The following GULP1 variants were observed in gnomAD, a reference collection of about 807,000 sequenced individuals.
GULP1 encodes PTB domain-containing engulfment adapter protein 1.
GULP1 carries 19 observed loss-of-function variants against 40.9 expected under a neutral mutation model. The ratio of observed to expected loss-of-function variants is 0.46; its 90% CI spans 0.32 to 0.68. The LOEUF is 0.68. Among genes scored for constraint, GULP1 ranks in the 30% least tolerant of loss-of-function variants. GULP1 has a pLI of 0.03. For synonymous variants in GULP1, 119 were observed against 117.6 expected, an observed-to-expected ratio of 1.01 and a Z score of -0.08; for missense variants, 312 against 362.2, an observed-to-expected ratio of 0.86 and a Z score of 1.12.
intron 9 of GULP1, among the ~76,000 whole-genome samples, chr2:188,580,522 C>T (rs1576269056): frequency 6.8e-6 from 1 of 147,018 alleles, no homozygotes; most frequent in African/African-American, 2.5e-5. Context: ...CACTGCACTC[C>T]AGCCTGGGCG....
At chr2:188,540,278 T>C (rs1690098986) in intron 6 of GULP1, among the ~76,000 whole-genome samples, 1 of 152,198 alleles carries the variant, frequency 6.6e-6, no homozygotes, top group South Asian at 2.1e-4. Context: ...CTGTGAAGAA[T>C]GAATAATTAA....
At chr2:188,345,465 A>AT (rs1251151686) in intron 1 of GULP1, among the ~76,000 whole-genome samples, 11 of 152,210 alleles carry the variant, frequency 7.2e-5, no homozygotes, top group Non-Finnish European at 1.6e-4. Flanking sequence ...CAGGGGAACA[A>AT]TTTTTTAAAA....
At chr2:188,443,171 C>T (rs1163613341) in intron 2 of GULP1, among the ~76,000 whole-genome samples, 2 of 149,522 alleles carry the variant, frequency 1.3e-5, no homozygotes, top group South Asian at 2.2e-4. Flanking sequence ...ATATGGTACA[C>T]TTAGCTAAAG....
intron 2 of GULP1, among the ~76,000 whole-genome samples, chr2:188,441,323 A>C (rs988036948): frequency 6.6e-6 from 1 of 152,166 alleles, no homozygotes; most frequent in Non-Finnish European, 1.5e-5. Flanking sequence ...TCAGTGAATC[A>C]TGTTGACAAA....
chr2:188,301,711 T>A (rs1341506713), intron 1 of GULP1, among the ~76,000 whole-genome samples: 1 of 152,122 alleles, frequency 6.6e-6, no homozygotes, highest in African/African-American at 2.4e-5. Context: ...CTAAGGGGAA[T>A]GGGTAGAAAA....
At chr2:188,578,484 A>G (rs1700606517) in intron 9 of GULP1, among the ~76,000 whole-genome samples, 1 of 151,924 alleles carries the variant, frequency 6.6e-6, no homozygotes, top group Non-Finnish European at 1.5e-5. Flanking sequence ...ATATATACCT[A>G]GGTAACAGAC....
intron 2 of GULP1, among the ~76,000 whole-genome samples, chr2:188,387,843 T>A (rs2049979067): frequency 1.3e-5 from 2 of 152,316 alleles, no homozygotes; most frequent in Non-Finnish European, 2.9e-5. Context: ...GGGAGCCAGA[T>A]GAACCATGCT....
chr2:188,516,659 G>A (rs2065203350), intron 4 of GULP1, among the ~76,000 whole-genome samples: 1 of 152,108 alleles, frequency 6.6e-6, no homozygotes, highest in South Asian at 2.1e-4. Flanking sequence ...ATCACCTGTA[G>A]AAGATATTAA....
chr2:188,496,864 GGTT>G (rs780752770), intron 4 of GULP1, among the ~76,000 whole-genome samples: 1 of 151,836 alleles, frequency 6.6e-6, no homozygotes, highest in Non-Finnish European at 1.5e-5. Flanking sequence ...GGCAAGATCT[GGTT>G]GTTTAAAAGT....
intron 1 of GULP1, among the ~76,000 whole-genome samples, chr2:188,311,417 T>C (rs538088370): frequency 1.1e-4 from 17 of 152,136 alleles, no homozygotes; most frequent in African/African-American, 3.9e-4. Flanking sequence ...GGATGGTCTG[T>C]ATGTCTTGAC....
At chr2:188,325,956 A>G (rs1294841430) in intron 1 of GULP1, among the ~76,000 whole-genome samples, 5 of 152,166 alleles carry the variant, frequency 3.3e-5, no homozygotes, top group Admixed American at 2.0e-4. Flanking sequence ...CAAGTGATAG[A>G]ACAATGTAGC....
At chr2:188,306,597 C>T (rs954799278) in intron 1 of GULP1, among the ~76,000 whole-genome samples, 2 of 151,916 alleles carry the variant, frequency 1.3e-5, no homozygotes, top group African/African-American at 4.8e-5. Flanking sequence ...GGTTTAGCTA[C>T]AGAATAGGAG....
chr2:188,348,945 A>T (rs891741682), intron 1 of GULP1, among the ~76,000 whole-genome samples: 1 of 152,228 alleles, frequency 6.6e-6, no homozygotes, highest in Admixed American at 6.5e-5. Flanking sequence ...TCAATAGTAG[A>T]TGGAAATTAT....
At chr2:188,580,951 G>A (rs1370782854) in intron 9 of GULP1, among the ~76,000 whole-genome samples, 4 of 152,168 alleles carry the variant, frequency 2.6e-5, no homozygotes, top group Non-Finnish European at 5.9e-5. Flanking sequence ...TTTCTGGCCC[G>A]AGCGTAGGCA....
chr2:188,332,236 C>G (rs1195035744), intron 1 of GULP1, among the ~76,000 whole-genome samples: 1 of 134,944 alleles, frequency 7.4e-6, no homozygotes, highest in African/African-American at 2.8e-5. Flanking sequence ...GTCATCCAGG[C>G]TGGAGTGCAG....
At chr2:188,416,591 G>A (rs1299156054) in intron 2 of GULP1, among the ~76,000 whole-genome samples, 15 of 152,102 alleles carry the variant, frequency 9.9e-5, no homozygotes, top group Non-Finnish European at 1.8e-4. Flanking sequence ...GTGCTTTTTA[G>A]TCTTGTGATG....
At position 188,369,261 on chromosome 2, in the gene GULP1, GTAAAAAAAATATTTT is replaced by G. The variant is rs1330290747; in HGVS notation, c.-171-14499_-171-14485del. 2.0e-5 allele frequency among the ~76,000 whole-genome samples: 3 copies of G among 151,432 alleles called. No homozygotes were observed. The South Asian group carries it at 6.2e-4, about 31-fold the overall frequency. On this transcript the variant is annotated intron_variant, in intron 1 of 11. Coordinates refer to ENST00000409830, the MANE Select transcript of GULP1 (RefSeq NM_016315.4). The stretch of plus-strand genomic sequence containing the variant: ...CAGGTGTGAGCCACCATGCCTGGCT[GTAAAAAAAATATTTT>G]TACAGTGTTGTATACAATCAAAGTT...
intron 2 of GULP1, among the ~76,000 whole-genome samples, chr2:188,401,198 A>G (rs1427679692): frequency 2.0e-5 from 3 of 152,144 alleles, no homozygotes; most frequent in Admixed American, 2.0e-4. Flanking sequence ...AAGGAGTATT[A>G]TGCGGAATTA....
intron 1 of GULP1, among the ~76,000 whole-genome samples, chr2:188,315,245 C>G (rs1371756966): frequency 6.6e-6 from 1 of 152,092 alleles, no homozygotes; most frequent in African/African-American, 2.4e-5. Context: ...TGCATGATAA[C>G]TTTTATTACA....
Sources: gnomAD v4.1 joint callset for allele counts (sites outside exome capture counted in the v4.1 genomes callset) on GRCh38, gnomAD v4.1.1 for gene constraint, MANE v1.5 for transcripts, NCBI Gene and HGNC (gene_info 2026-07-23, HGNC 2026-07-21) for gene names.